Variants in PARN observed in about 807,000 individuals in gnomAD.
PARN encodes the protein poly(A)-specific ribonuclease PARN.
A neutral mutation model predicts 102.8 loss-of-function variants in PARN; 71 were observed. The ratio of observed to expected loss-of-function variants is 0.69; its 90% CI spans 0.57 to 0.84. PARN has a LOEUF of 0.84. Ranked by LOEUF, PARN falls within the 40% of genes least tolerant of loss-of-function variation. The pLI, the probability that PARN is intolerant of heterozygous loss-of-function variation, is 0.00. For synonymous variants in PARN, 261 were observed against 252.9 expected (o/e 1.03, Z -0.30); for missense variants, 782 against 760.9 (o/e 1.03, Z -0.33).
intron 3 of PARN, 112 bp from the exon 4 acceptor site, chr16:14,627,448 A>C (rs1972746567): frequency 1.4e-6 from 1 of 707,064 alleles, no homozygotes; most frequent in Non-Finnish European, 2.5e-6. Flanking sequence ...TCAGCAGAAT[A>C]CTTCCAATTA....
chr16:14,621,303 T>C (rs1298713806), intron 5 of PARN, among the ~76,000 whole-genome samples: 4 of 152,174 alleles, frequency 2.6e-5, no homozygotes, highest in Non-Finnish European at 5.9e-5. Context: ...GTCCTTCTAG[T>C]ACTAGACACC....
chr16:14,606,647 C>T (rs945698399), intron 9 of PARN, 121 bp from the exon 10 acceptor site: 1 of 556,594 alleles, frequency 1.8e-6, no homozygotes, highest in African/African-American at 1.9e-5. Context: ...AAATAATTAT[C>T]ACTACAATGG....
chr16:14,479,108 T>A (rs746636791), intron 22 of PARN, among the ~76,000 whole-genome samples: 1 of 152,112 alleles, frequency 6.6e-6, no homozygotes, highest in Non-Finnish European at 1.5e-5. Context: ...AGCAAACGGT[T>A]TGAAAATGAC....
intron 10 of PARN, among the ~76,000 whole-genome samples, chr16:14,604,941 C>T (rs1971094554): frequency 6.6e-6 from 1 of 151,502 alleles, no homozygotes; most frequent in Admixed American, 6.6e-5. Flanking sequence ...TGTAACCGCA[C>T]ACTTTTTTTG....
At chr16:14,569,296 C>T (rs1246481079) in intron 18 of PARN, among the ~76,000 whole-genome samples, 1 of 152,060 alleles carries the variant, frequency 6.6e-6, no homozygotes, top group Non-Finnish European at 1.5e-5. Flanking sequence ...TCTTCAAGTT[C>T]ACTACAGTGT....
Position 14,568,442 on chromosome 16 carries a change from TA to T in PARN, c.1262+12431del, listed in dbSNP as rs35069693. ...ATTGGCCAGGCTGGTATGAAAAACT[TA>T]AAAAAAAAAAAAAATAGCTGGGTGT... On this transcript the variant is annotated intron_variant, in intron 18 of 23. Transcript: ENST00000437198. Among the ~76,000 whole-genome samples the T allele has an allele frequency of 3.3e-3, 455 of 136,874 alleles. 2 individuals carry two copies. The highest frequency in any genetic ancestry group is 0.016 in the East Asian group (76 of 4,714). 89.8% of individuals were successfully genotyped at this position (136,874 alleles called of 152,430 possible).
intron 19 of PARN, 36 bp downstream of exon 19, chr16:14,555,618 T>C (rs1383699637): frequency 6.0e-6 from 6 of 1,005,434 alleles, no homozygotes; most frequent in Non-Finnish European, 8.8e-6. Flanking sequence ...CACACTTAAA[T>C]GCACAGATGC....
intron 22 of PARN, among the ~76,000 whole-genome samples, chr16:14,451,445 T>C (rs1436384720): frequency 6.6e-6 from 1 of 152,136 alleles, no homozygotes; most frequent in Non-Finnish European, 1.5e-5. Flanking sequence ...GAAATATAAT[T>C]CAGCAATTAA....
At chr16:14,526,660 C>T (rs1166504066) in intron 21 of PARN, among the ~76,000 whole-genome samples, 1 of 152,172 alleles carries the variant, frequency 6.6e-6, no homozygotes, top group Non-Finnish European at 1.5e-5. Context: ...GATTCATCTG[C>T]AGAAAATAAA....
At chr16:14,600,854 C>T (rs1017061704) in intron 11 of PARN, among the ~76,000 whole-genome samples, 7 of 152,048 alleles carry the variant, frequency 4.6e-5, no homozygotes, top group Admixed American at 6.6e-5. Flanking sequence ...CGCTTGAACC[C>T]GGGAGACGGA....
chr16:14,604,831 G>C (rs1196054911), intron 10 of PARN, among the ~76,000 whole-genome samples: 3 of 151,960 alleles, frequency 2.0e-5, no homozygotes, highest in Non-Finnish European at 4.4e-5. Context: ...GCCCAGGCTG[G>C]TCTCAAACTC....
intron 21 of PARN, among the ~76,000 whole-genome samples, chr16:14,525,451 G>A (rs1965947535): frequency 6.6e-6 from 1 of 152,156 alleles, no homozygotes; most frequent in African/African-American, 2.4e-5. Context: ...AAGGTGGGGT[G>A]CACAAACATT....
chr16:14,626,596 T>A (rs79343190), intron 5 of PARN, among the ~76,000 whole-genome samples: 1 of 152,030 alleles, frequency 6.6e-6, no homozygotes, highest in East Asian at 1.9e-4. Context: ...TGTCTCTGCA[T>A]CTTATTCCTT....
chr16:14,452,565 G>A (rs1368453487), intron 22 of PARN, among the ~76,000 whole-genome samples: 2 of 152,150 alleles, frequency 1.3e-5, no homozygotes, highest in Middle Eastern at 3.2e-3. Flanking sequence ...TTGAAATCCT[G>A]ACCTCAGGAG....
At chr16:14,498,790 G>A (rs976508059) in intron 21 of PARN, among the ~76,000 whole-genome samples, 9 of 152,152 alleles carry the variant, frequency 5.9e-5, no homozygotes, top group East Asian at 1.9e-4. Context: ...ATTTGACTTC[G>A]AAAAAGAGTT....
intron 18 of PARN, among the ~76,000 whole-genome samples, chr16:14,568,545 A>G (rs765677532): frequency 6.6e-6 from 1 of 152,018 alleles, no homozygotes; most frequent in Non-Finnish European, 1.5e-5. Context: ...GCAATGAGCC[A>G]TGTCTGCTCC....
intron 21 of PARN, among the ~76,000 whole-genome samples, chr16:14,534,178 C>T: frequency 6.7e-6 from 1 of 149,582 alleles, no homozygotes; most frequent in Non-Finnish European, 1.5e-5. Flanking sequence ...AAGATCGCGC[C>T]ACTGCACTCC....
At chr16:14,479,366 A>G (rs1448898365) in intron 22 of PARN, among the ~76,000 whole-genome samples, 1 of 151,896 alleles carries the variant, frequency 6.6e-6, no homozygotes, top group Non-Finnish European at 1.5e-5. Flanking sequence ...GGCTGCAGTG[A>G]GCTGTGATCA....
chr16:14,573,949 G>A (rs1469795248), intron 18 of PARN, among the ~76,000 whole-genome samples: 2 of 152,184 alleles, frequency 1.3e-5, no homozygotes, highest in Non-Finnish European at 2.9e-5. Flanking sequence ...AATTGGTACT[G>A]GGGCGGGAGA....
Sources: gnomAD v4.1 joint callset for allele counts (sites outside exome capture counted in the v4.1 genomes callset) on GRCh38, gnomAD v4.1.1 for gene constraint, MANE v1.5 for transcripts, NCBI Gene and HGNC (gene_info 2026-07-23, HGNC 2026-07-21) for gene names.